Variants in CEP170B observed in about 807,000 individuals in gnomAD.
CEP170B encodes centrosomal protein 170B.
Under a neutral mutation model 120.6 loss-of-function variants are expected in CEP170B, and 55 were observed. The observed-to-expected ratio is 0.46, with a 90% CI of 0.37 to 0.57. The LOEUF (loss-of-function observed/expected upper bound fraction) is 0.57. Among genes scored for constraint, CEP170B ranks in the 20% least tolerant of loss-of-function variants. The pLI, the probability that CEP170B is intolerant of heterozygous loss-of-function variation, is 0.00. For missense variants in CEP170B, 2,212 were observed against 2,253.3 expected, an observed-to-expected ratio of 0.98 and a Z score of 0.37; for synonymous variants, 1,033 against 954.5, an observed-to-expected ratio of 1.08 and a Z score of -1.52.
intron 3 of CEP170B, among the ~76,000 whole-genome samples, chr14:104,877,074 C>T (rs1895893243): frequency 6.6e-6 from 1 of 152,138 alleles, no homozygotes; most frequent in African/African-American, 2.4e-5. Context: ...CTTTACTGCA[C>T]TCTGCAGTCC....
chr14:104,890,972 GGT>G (rs372830879), intron 13 of CEP170B, among the ~76,000 whole-genome samples: 1 of 114,930 alleles, frequency 8.7e-6, no homozygotes, highest in East Asian at 3.1e-4. Context: ...TGGGTGGGTG[GGT>G]GTGTGGATGG....
Position 104,887,340 on chromosome 14 carries a change from G to T in CEP170B, c.3101G>T (p.Gly1034Val). The T allele has an allele frequency of 6.2e-7, 1 of 1,611,312 alleles. No homozygotes were observed. Among genetic ancestry groups the T allele is most frequent in the South Asian group, 1.1e-5 (1 of 90,936 alleles). The change falls in exon 12 of 19, where the codon GGC (glycine) becomes GTC (valine). Residue 1034 changes from glycine to valine, a missense_variant. Gly to Val is a moderately radical substitution (Grantham distance 109). Transcript: ENST00000414716. ...EPVRRSAIRR[G>V]HRPRGSLDWP... is the part of the protein sequence containing the mutation. ...GTACGGCGCTCAGCCATAAGGCGTG[G>T]CCACAGGCCCCGAGGGTCCCTGGAT... is the stretch of plus-strand genomic sequence containing the variant.
chr14:104,893,719 G>C (rs578126826), intron 15 of CEP170B, 42 bp from the exon 16 acceptor site: 7 of 1,587,212 alleles, frequency 4.4e-6, no homozygotes, highest in Middle Eastern at 1.7e-4. Flanking sequence ...CAGGGGCGGG[G>C]CTCCTCGAGG....
In CEP170B at chr14:104,886,899, C is replaced by G; in HGVS notation, c.2660C>G (p.Ser887Cys). 6.2e-7 allele frequency: 1 copy of G among 1,610,404 alleles called. No individual in the cohort carries two copies. Among genetic ancestry groups the G allele is most frequent in the Non-Finnish European group, 8.5e-7 (1 of 1,179,808 alleles). ...PPAPGKPPHI[S>C]SHPLLQDLAA... ...GCGCCCGGCAAGCCCCCCCACATCT[C>G]CAGCCACCCGCTTCTACAGGACCTG... Residue 887 changes from serine to cysteine, a missense_variant, in exon 12 of 19, where the codon TCC becomes TGC. Physicochemically the swap from Ser to Cys is moderately radical, Grantham distance 112. Transcript: ENST00000414716.
chr14:104,872,417 G>C (rs12436763), intron 2 of CEP170B, among the ~76,000 whole-genome samples: 4,032 of 54,474 alleles, frequency 0.074, 842 homozygotes, highest in African/African-American at 0.19. Flanking sequence ...GTGTGCCGTG[G>C]GTGTGCCGTG....
Position 104,883,993 on chromosome 14 carries a change from T to A in CEP170B, c.1214T>A (p.Val405Asp), listed in dbSNP as rs752451112. ...CTACTACATAACCAGCAGGCCTTTG[T>A]CATCGAGTTCTTCGACGAGGACACA... is the stretch of plus-strand genomic sequence containing the variant. ...QELLHNQQAF[V>D]IEFFDEDTPR... The change falls in exon 9 of 19, where the codon GTC becomes GAC. Residue 405 changes from valine (V) to aspartate (D), a missense_variant. Val to Asp is a radical substitution (Grantham distance 152). This residue lies in a region of CEP170B where 2,166 missense variants were observed against 2,166.7 expected (regional missense o/e 1.00). Transcript: ENST00000414716. 6.2e-7 allele frequency: 1 copy of A among 1,610,792 alleles called. No homozygotes were observed. The highest frequency in any genetic ancestry group is 1.1e-5 in the South Asian group (1 of 90,790).
Position 104,870,002 on chromosome 14 carries a change from G to A in CEP170B, c.105+1447G>A, listed in dbSNP as rs192996406. ...CCTTGTGGTTGGTTGTTCCGGCTCT[G>A]AAGTTCTTTAATCTGGAACATTCTC... On this transcript the variant is annotated intron_variant, in intron 2 of 18. Transcript: ENST00000414716. The surrounding 1 kb of genome is among the most constrained non-coding windows in gnomAD (Gnocchi z 4.1). Among the ~76,000 whole-genome samples, 157 of 152,350 alleles carry A rather than the reference G, an allele frequency of 1.0e-3. No individual in the cohort carries two copies. Among genetic ancestry groups the A allele is most frequent in the African/African-American group, 3.6e-3 (149 of 41,560 alleles).
In CEP170B at chr14:104,884,017, C is replaced by T. The variant is rs748445998; in HGVS notation, c.1238C>T (p.Thr413Ile). ...AFVIEFFDED[T>I]PRKKRSQSFT... is the part of the protein sequence containing the mutation. ...GTCATCGAGTTCTTCGACGAGGACA[C>T]ACCCCGAAAGAAGCGCTCCCAGTCC... is the stretch of plus-strand genomic sequence containing the variant. The change falls in exon 9 of 19, where the codon ACA becomes ATA. Residue 413 changes from threonine to isoleucine, a missense_variant. Thr to Ile is a moderately conservative substitution (Grantham distance 89). Coordinates refer to ENST00000414716, the MANE Select transcript of CEP170B (RefSeq NM_001112726.3). 11 of 1,610,906 alleles carry T rather than the reference C, an allele frequency of 6.8e-6. No individual in the cohort carries two copies. The highest frequency in any genetic ancestry group is 2.7e-5 in the African/African-American group (2 of 74,922).
chr14:104,886,395 G>A lies in CEP170B; in HGVS notation c.2156G>A (p.Arg719Lys), dbSNP rs1282193179. 6.3e-7 allele frequency: 1 copy of A among 1,582,964 alleles called. No homozygotes were observed. Among genetic ancestry groups the A allele is most frequent in the African/African-American group, 1.3e-5 (1 of 74,380 alleles). Residue 719 changes from arginine (R) to lysine (K), a missense_variant, in exon 12 of 19, where the codon AGG becomes AAG. Physicochemically the swap from Arg to Lys is conservative, Grantham distance 26. Transcript: ENST00000414716. ...AGCCCTGCGGGCCCAGAGAGCAGCAGGAGGAGTGGGCCTGGGCCACCGGAG... is the reference window on the plus strand; with the variant it reads ...AGCCCTGCGGGCCCAGAGAGCAGCAAGAGGAGTGGGCCTGGGCCACCGGAG... Reference protein sequence around the residue: ...ADSPAGPESSRRSGPGPPELD... With the variant: ...ADSPAGPESSKRSGPGPPELD...
rs749683395 is a variant in CEP170B, at chr14:104,886,355, A to G, written c.2116A>G (p.Ser706Gly). Residue 706 changes from serine to glycine, a missense_variant, in exon 12 of 19, where the codon AGT (serine) becomes GGT (glycine). Physicochemically the swap from Ser to Gly is moderately conservative, Grantham distance 56. This residue lies in a region of CEP170B where 2,166 missense variants were observed against 2,166.7 expected (regional missense o/e 1.00). Coordinates refer to ENST00000414716, the MANE Select transcript of CEP170B (RefSeq NM_001112726.3). ...RMRRRLPQLP[S>G]ERADSPAGPE... ...GCGGCGACGGCTCCCTCAGCTGCCC[A>G]GTGAGAGGGCTGACAGCCCTGCGGG... 2 of 1,574,246 alleles carry G rather than the reference A, an allele frequency of 1.3e-6. No homozygotes were observed. Among genetic ancestry groups the G allele is most frequent in the South Asian group, 1.2e-5 (1 of 86,062 alleles).
chr14:104,889,951 T>TG (rs1566872509), intron 13 of CEP170B, among the ~76,000 whole-genome samples, 193 bp downstream of exon 13: 63 of 45,824 alleles, frequency 1.4e-3, no homozygotes, highest in African/African-American at 4.3e-3. Flanking sequence ...GATGGATGGA[T>TG]GAATGGATGG....
intron 6 of CEP170B, among the ~76,000 whole-genome samples, chr14:104,881,409 C>T (rs1566859704): frequency 6.6e-6 from 1 of 152,184 alleles, no homozygotes; most frequent in Non-Finnish European, 1.5e-5. Flanking sequence ...CCACCCCCAG[C>T]TTTGGCCCCA....
intron 8 of CEP170B, 25 bp downstream of exon 8, chr14:104,883,533 C>T (rs778194733): frequency 2.0e-6 from 3 of 1,514,818 alleles, no homozygotes; most frequent in African/African-American, 2.8e-5. Context: ...GGCGGCCGTG[C>T]CAGTCCCGGG....
chr14:104,894,913 C>G lies in CEP170B; in HGVS notation c.4620C>G (p.Leu1540=), dbSNP rs2140764816. The G allele has an allele frequency of 6.3e-7, 1 of 1,596,396 alleles. No homozygotes were observed. Among genetic ancestry groups the G allele is most frequent in the East Asian group, 2.3e-5 (1 of 44,034 alleles). ...GGGCCAGCTGTGGGCCTCCCAGCCTCCCGGACCCCACCTTCCTCCCTGATG... is the reference window on the plus strand; with the variant it reads ...GGGCCAGCTGTGGGCCTCCCAGCCTGCCGGACCCCACCTTCCTCCCTGATG... The part of the protein sequence containing the change: ...PQRASCGPPS[L]PDPTFLPDAE... The change falls in exon 19 of 19, where the codon CTC becomes CTG. Residue 1540 remains leucine, a synonymous_variant. Transcript: ENST00000414716.
intron 12 of CEP170B, among the ~76,000 whole-genome samples, chr14:104,888,465 G>A (rs977043737): frequency 6.6e-6 from 1 of 152,224 alleles, no homozygotes; most frequent in African/African-American, 2.4e-5. Flanking sequence ...ACACCCTTCT[G>A]AGCCCGCAGG....
At position 104,884,256 on chromosome 14, in the gene CEP170B, G is replaced by T. The variant is rs546614335; in HGVS notation, c.1477G>T (p.Val493Leu). Reference sequence around the variant, plus strand: ...AACCCCTGCCCGCCCCTTCGGAAGCGTGGGGCGCCGCTCCCGCCTGGCCCA... The same window carrying T: ...AACCCCTGCCCGCCCCTTCGGAAGCTTGGGGCGCCGCTCCCGCCTGGCCCA... ...SRTPARPFGSVGRRSRLAQDF... is the reference protein window; with the variant it reads ...SRTPARPFGSLGRRSRLAQDF... The change falls in exon 9 of 19, where the codon GTG (valine) becomes TTG (leucine). Residue 493 changes from valine to leucine, a missense_variant. Val to Leu is a conservative substitution (Grantham distance 32). Coordinates refer to ENST00000414716, the MANE Select transcript of CEP170B (RefSeq NM_001112726.3). 1.9e-6 allele frequency: 3 copies of T among 1,543,266 alleles called. No individual in the cohort carries two copies. The East Asian group carries it at 7.3e-5, about 38-fold the overall frequency.
At chr14:104,876,367 C>A in intron 3 of CEP170B, 22 bp downstream of exon 3, 1 of 1,549,634 alleles carries the variant, frequency 6.5e-7, no homozygotes, top group African/African-American at 1.4e-5. Flanking sequence ...AGGCCCTGGC[C>A]TGGCCTTTTA....
chr14:104,882,150 G>A (rs142741510), intron 6 of CEP170B, among the ~76,000 whole-genome samples: 71 of 152,304 alleles, frequency 4.7e-4, no homozygotes, highest in African/African-American at 1.4e-3. Flanking sequence ...AGGGAGTCAG[G>A]AGTGAGATTC....
rs1421987802 is a variant in CEP170B, at chr14:104,887,961, G to A, written c.3722G>A (p.Ser1241Asn). Residue 1241 changes from serine (S) to asparagine (N), a missense_variant, in exon 12 of 19, where the codon AGT becomes AAT. By Grantham distance (46) the Ser-to-Asn change is conservative. This residue lies in a region of CEP170B where 2,166 missense variants were observed against 2,166.7 expected (regional missense o/e 1.00). Coordinates refer to ENST00000414716, the MANE Select transcript of CEP170B (RefSeq NM_001112726.3). The stretch of plus-strand genomic sequence containing the variant: ...CCCTTCAGCAGGGCCCGCTCAGGCA[G>A]TGCCCGATACACCTCCAGTGAGTGC... ...RQPFSRARSG[S>N]ARYTSTTQTP... The A allele has an allele frequency of 6.6e-7, 1 of 1,516,962 alleles. No homozygotes were observed. The highest frequency in any genetic ancestry group is 2.0e-5 in the Admixed American group (1 of 50,854). The allele number at this position is 1,516,962 out of a possible 1,614,324, so 94.0% of individuals were successfully genotyped here. A position where few individuals can be genotyped will look rare whatever the true frequency, so the allele number is the denominator to read the frequency against.
Sources: gnomAD v4.1 joint callset for allele counts (sites outside exome capture counted in the v4.1 genomes callset) on GRCh38, gnomAD v4.1.1 for gene constraint, gnomAD v4.1.1 regional missense constraint, Gnocchi (gnomAD v3.1) non-coding constraint, MANE v1.5 for transcripts, NCBI Gene and HGNC (gene_info 2026-07-23, HGNC 2026-07-21) for gene names.